OXR1: variants seen among roughly 807,000 people sequenced by gnomAD.
OXR1 encodes the protein oxidation resistance 1.
Under a neutral mutation model 104.6 loss-of-function variants are expected in OXR1, and 41 were observed. The ratio of observed to expected loss-of-function variants is 0.39; its 90% CI spans 0.31 to 0.51. OXR1 has a LOEUF of 0.51. Among genes scored for constraint, OXR1 ranks in the 20% least tolerant of loss-of-function variants. The pLI is 0.77. For synonymous variants in OXR1, 348 were observed against 348.4 expected (o/e 1.00, Z 0.01); for missense variants, 955 against 1,031.9 (o/e 0.93, Z 1.02).
intron 3 of OXR1, among the ~76,000 whole-genome samples, chr8:106,534,993 C>T (rs1439886932): frequency 6.6e-6 from 1 of 151,994 alleles, no homozygotes; most frequent in Non-Finnish European, 1.5e-5. Flanking sequence ...GACGGAGTCT[C>T]GCTCTGTCGC....
At chr8:106,616,891 A>G (rs986238751) in intron 3 of OXR1, among the ~76,000 whole-genome samples, 8 of 152,134 alleles carry the variant, frequency 5.3e-5, no homozygotes, top group African/African-American at 1.9e-4. Context: ...CACTGACTTG[A>G]CATTGTCTGT....
intron 3 of OXR1, among the ~76,000 whole-genome samples, chr8:106,540,036 C>A (rs1010761107): frequency 6.6e-6 from 1 of 152,088 alleles, no homozygotes; most frequent in Non-Finnish European, 1.5e-5. Flanking sequence ...ATATTTATTT[C>A]TTTTCTGTCT....
intron 3 of OXR1, among the ~76,000 whole-genome samples, chr8:106,648,092 A>G (rs1447207528): frequency 6.6e-5 from 10 of 152,260 alleles, no homozygotes; most frequent in Admixed American, 2.0e-4. Context: ...AAATGTAATG[A>G]ACACAATGTT....
chr8:106,278,432 A>G (rs1173229337), intron 1 of OXR1, among the ~76,000 whole-genome samples: 2 of 152,120 alleles, frequency 1.3e-5, no homozygotes, highest in Non-Finnish European at 2.9e-5. Context: ...CAGGAAGGCT[A>G]CTAAGATTTA....
At chr8:106,477,457 A>T (rs962546834) in intron 2 of OXR1, among the ~76,000 whole-genome samples, 3 of 151,904 alleles carry the variant, frequency 2.0e-5, no homozygotes, top group African/African-American at 7.2e-5. Flanking sequence ...CTGCATCTTT[A>T]TGTTTGTTTA....
intron 1 of OXR1, among the ~76,000 whole-genome samples, chr8:106,339,266 A>C (rs1025081269): frequency 2.6e-5 from 4 of 151,196 alleles, no homozygotes; most frequent in South Asian, 2.1e-4. Flanking sequence ...GAGGCTGAGG[A>C]GGGCAGATCA....
At chr8:106,374,928 C>G (rs181131874) in intron 2 of OXR1, among the ~76,000 whole-genome samples, 1 of 152,088 alleles carries the variant, frequency 6.6e-6, no homozygotes, top group African/African-American at 2.4e-5. Flanking sequence ...CATAGACTCC[C>G]GCTGTAATTG....
intron 2 of OXR1, among the ~76,000 whole-genome samples, chr8:106,380,330 A>G (rs1226658046): frequency 1.3e-5 from 2 of 152,132 alleles, no homozygotes; most frequent in Middle Eastern, 3.2e-3. Context: ...ATAATATTCC[A>G]TTGAATGGAT....
At chr8:106,439,796 T>A (rs917169347) in intron 2 of OXR1, among the ~76,000 whole-genome samples, 1 of 152,136 alleles carries the variant, frequency 6.6e-6, no homozygotes, top group Non-Finnish European at 1.5e-5. Flanking sequence ...AAGGGTTCAA[T>A]AAATTCATTG....
chr8:106,692,432 G>C (rs932240298), intron 6 of OXR1, among the ~76,000 whole-genome samples: 1 of 152,068 alleles, frequency 6.6e-6, no homozygotes, highest in African/African-American at 2.4e-5. Context: ...AAGAGATGTA[G>C]TGTTCACTGT....
At chr8:106,615,946 G>A (rs957932836) in intron 3 of OXR1, among the ~76,000 whole-genome samples, 5 of 151,208 alleles carry the variant, frequency 3.3e-5, no homozygotes, top group African/African-American at 1.2e-4. Context: ...TTACTTTAAT[G>A]TAGTAGAATG....
chr8:106,297,847 A>G (rs1237162085), intron 1 of OXR1, among the ~76,000 whole-genome samples: 5 of 152,222 alleles, frequency 3.3e-5, no homozygotes, highest in Non-Finnish European at 7.3e-5. Context: ...GTAGGGAGAA[A>G]TCTATAAGAT....
intron 3 of OXR1, among the ~76,000 whole-genome samples, chr8:106,599,245 G>A (rs911784760): frequency 2.6e-5 from 4 of 152,170 alleles, no homozygotes; most frequent in Non-Finnish European, 5.9e-5. Flanking sequence ...AGCTAATGCA[G>A]CACCTCAGAT....
At chr8:106,593,575 G>A (rs1164953315) in intron 3 of OXR1, among the ~76,000 whole-genome samples, 3 of 152,044 alleles carry the variant, frequency 2.0e-5, no homozygotes, top group African/African-American at 7.2e-5. Flanking sequence ...TCAGGAGATC[G>A]AGACCATCCT....
chr8:106,620,475 G>A (rs543976645), intron 3 of OXR1, among the ~76,000 whole-genome samples: 28 of 152,036 alleles, frequency 1.8e-4, no homozygotes, highest in African/African-American at 4.8e-4. Context: ...TTTTCCTTAC[G>A]TGGCTTATCT....
chr8:106,691,940 A>G (rs995582587), intron 6 of OXR1, among the ~76,000 whole-genome samples: 3 of 149,690 alleles, frequency 2.0e-5, no homozygotes, highest in Admixed American at 6.7e-5. Flanking sequence ...AAGTTCAACA[A>G]AAAAAAACCA....
At chr8:106,605,008 T>A (rs2130770490) in intron 3 of OXR1, 1 of 152,222 alleles carries the variant, frequency 6.6e-6, no homozygotes, top group African/African-American at 2.4e-5. Context: ...TTACAAGCAG[T>A]TAATAGGTCA....
intron 1 of OXR1, among the ~76,000 whole-genome samples, chr8:106,291,523 G>A (rs1317126866): frequency 6.6e-6 from 1 of 152,194 alleles, no homozygotes; most frequent in Non-Finnish European, 1.5e-5. Context: ...AGCACATACA[G>A]CAGTCTCCCA....
intron 3 of OXR1, among the ~76,000 whole-genome samples, chr8:106,586,289 C>T (rs549062976): frequency 6.6e-5 from 10 of 151,398 alleles, no homozygotes; most frequent in African/African-American, 1.7e-4. Flanking sequence ...CTGGTGAATA[C>T]GATGGGGTGA....
Sources: allele counts gnomAD v4.1 joint callset (sites outside exome capture counted in the v4.1 genomes callset), GRCh38; gene constraint gnomAD v4.1.1; transcripts MANE v1.5; gene names NCBI Gene and HGNC (gene_info 2026-07-23, HGNC 2026-07-21).